The following SGCZ variants were observed in gnomAD, a reference collection of about 807,000 sequenced individuals.
SGCZ encodes sarcoglycan zeta.
Under a neutral mutation model 41.3 loss-of-function variants are expected in SGCZ, and 40 were observed. The observed-to-expected ratio is 0.97, with a 90% confidence interval of 0.75 to 1.26. SGCZ has a LOEUF of 1.26. SGCZ is among the 50% of genes most tolerant of loss of function. SGCZ has a pLI of 0.00. For synonymous variants in SGCZ, 206 were observed against 137.5 expected (o/e 1.50, Z -3.49); for missense variants, 552 against 369.8 (o/e 1.49, Z -4.04).
intron 3 of SGCZ, among the ~76,000 whole-genome samples, chr8:14,265,458 C>T: frequency 6.6e-6 from 1 of 152,104 alleles, no homozygotes; most frequent in Admixed American, 6.5e-5. Context: ...TAACATCATT[C>T]TTGAATATTT....
chr8:14,165,235 A>C (rs1424544053), intron 4 of SGCZ: 1 of 152,166 alleles, frequency 6.6e-6, no homozygotes. Context: ...GTGAATTTTA[A>C]TCCATTTTAT....
chr8:14,312,765 G>A (rs1290923955), intron 3 of SGCZ, among the ~76,000 whole-genome samples: 2 of 152,156 alleles, frequency 1.3e-5, no homozygotes, highest in Admixed American at 1.3e-4. Context: ...CCTATCCACT[G>A]GAGAGTGGCA....
At chr8:14,914,553 G>C (rs1019389619) in intron 1 of SGCZ, among the ~76,000 whole-genome samples, 1 of 151,804 alleles carries the variant, frequency 6.6e-6, no homozygotes, top group Admixed American at 6.6e-5. Context: ...ATTTAAAAAA[G>C]GCTTATCAAG....
At chr8:14,456,045 G>A (rs758617133) in intron 2 of SGCZ, among the ~76,000 whole-genome samples, 15 of 152,244 alleles carry the variant, frequency 9.9e-5, no homozygotes, top group Non-Finnish European at 1.8e-4. Context: ...AGGTGAAAAC[G>A]TTCTAATTAG....
At chr8:14,395,168 A>C (rs1026443737) in intron 2 of SGCZ, among the ~76,000 whole-genome samples, 2 of 152,228 alleles carry the variant, frequency 1.3e-5, no homozygotes, top group Non-Finnish European at 2.9e-5. Context: ...TCTAGATAAT[A>C]TCTCTGACTT....
In SGCZ at chr8:14,360,866, G is replaced by T. The variant is rs192708131; in HGVS notation, c.235-36662C>A. On this transcript the variant is annotated intron_variant, in intron 2 of 7. Transcript: ENST00000382080. ...TTTTTTGAGAAACCACTTTTTTGTTGTTGTTTTCTAGAGTGGCTGTACCAT... is the reference window on the plus strand; with the variant it reads ...TTTTTTGAGAAACCACTTTTTTGTTTTTGTTTTCTAGAGTGGCTGTACCAT... Among the ~76,000 whole-genome samples, 3 of 152,140 alleles carry T rather than the reference G, an allele frequency of 2.0e-5. No homozygotes were observed. In the East Asian group the frequency reaches 5.8e-4, roughly 29 times the overall value.
intron 1 of SGCZ, among the ~76,000 whole-genome samples, chr8:14,569,510 A>G (rs1464760864): frequency 6.6e-6 from 1 of 152,148 alleles, no homozygotes; most frequent in Non-Finnish European, 1.5e-5. Context: ...TTAACTTAGC[A>G]TTTTCACTCA....
intron 1 of SGCZ, among the ~76,000 whole-genome samples, chr8:15,078,083 C>T (rs1805605695): frequency 6.8e-6 from 1 of 147,952 alleles, no homozygotes; most frequent in Non-Finnish European, 1.5e-5. Context: ...AGCCTGTCCT[C>T]TCTGGGTTGT....
intron 5 of SGCZ, among the ~76,000 whole-genome samples, chr8:14,112,721 A>C (rs1802412498): frequency 6.6e-6 from 1 of 152,102 alleles, no homozygotes. Flanking sequence ...TATTTGTAAA[A>C]TTAAAAACCA....
intron 2 of SGCZ, among the ~76,000 whole-genome samples, chr8:14,467,146 G>A (rs549887856): frequency 6.6e-6 from 1 of 151,700 alleles, no homozygotes; most frequent in South Asian, 2.1e-4. Flanking sequence ...GTTTTCAGAA[G>A]TCATTTCTGA....
At chr8:14,134,078 G>A (rs1193903273) in intron 5 of SGCZ, among the ~76,000 whole-genome samples, 2 of 152,180 alleles carry the variant, frequency 1.3e-5, no homozygotes, top group Non-Finnish European at 2.9e-5. Context: ...TTTCACATGT[G>A]TGAGGTACAG....
chr8:14,829,758 TA>T (rs1554507993), intron 1 of SGCZ, among the ~76,000 whole-genome samples: 7 of 152,018 alleles, frequency 4.6e-5, no homozygotes, highest in African/African-American at 7.3e-5. Flanking sequence ...AGGGTTTTTT[TA>T]AAAAAAATCA....
chr8:14,121,780 C>T (rs17118702), intron 5 of SGCZ, among the ~76,000 whole-genome samples: 28,217 of 152,002 alleles, frequency 0.19, 3,441 homozygotes, highest in East Asian at 0.64. Context: ...AGCAAGATGA[C>T]GTTAAATAAC....
At chr8:15,163,189 G>C (rs934067780) in intron 1 of SGCZ, among the ~76,000 whole-genome samples, 50 of 152,264 alleles carry the variant, frequency 3.3e-4, no homozygotes, top group African/African-American at 1.1e-3. Context: ...TTTGTTACTG[G>C]CTTATACTTA....
intron 1 of SGCZ, among the ~76,000 whole-genome samples, chr8:15,232,435 C>T (rs1400305064): frequency 6.6e-6 from 1 of 152,000 alleles, no homozygotes. Flanking sequence ...TGACAGTAGA[C>T]CACTGAAGAG....
At chr8:14,597,880 T>G (rs1805464259) in intron 1 of SGCZ, among the ~76,000 whole-genome samples, 1 of 152,202 alleles carries the variant, frequency 6.6e-6, no homozygotes. Context: ...TTCTCTAGCT[T>G]TGTCCCTAAA....
chr8:15,162,363 G>A (rs979686984), intron 1 of SGCZ, among the ~76,000 whole-genome samples: 1 of 152,122 alleles, frequency 6.6e-6, no homozygotes, highest in African/African-American at 2.4e-5. Context: ...CATTTTATGT[G>A]GAGTTATTCA....
intron 1 of SGCZ, among the ~76,000 whole-genome samples, chr8:15,206,355 C>A (rs1350031836): frequency 6.6e-6 from 1 of 151,906 alleles, no homozygotes; most frequent in Non-Finnish European, 1.5e-5. Context: ...TTCAGCATTT[C>A]TTGAGAGTAG....
At chr8:14,678,263 C>T (rs1330581347) in intron 1 of SGCZ, among the ~76,000 whole-genome samples, 1 of 152,090 alleles carries the variant, frequency 6.6e-6, no homozygotes, top group Non-Finnish European at 1.5e-5. Flanking sequence ...AGATAAGCTA[C>T]AGGCTAAGAG....
Sources: gnomAD v4.1 joint callset for allele counts (sites outside exome capture counted in the v4.1 genomes callset) on GRCh38, gnomAD v4.1.1 for gene constraint, MANE v1.5 for transcripts, NCBI Gene and HGNC (gene_info 2026-07-23, HGNC 2026-07-21) for gene names.